PATJ: variants seen among roughly 807,000 people sequenced by gnomAD.
PATJ encodes the protein inaD-like protein.
PATJ carries 190 observed loss-of-function variants against 224.9 expected under a neutral mutation model. The observed-to-expected ratio is 0.84, with a 90% CI of 0.75 to 0.95. The LOEUF is 0.95. Ranked by LOEUF, PATJ falls within the 40% of genes least tolerant of loss-of-function variation. PATJ has a pLI of 0.00. For synonymous variants in PATJ, 769 were observed against 820.3 expected, an observed-to-expected ratio of 0.94 and a Z score of 1.07; for missense variants, 2,121 against 2,270.3, an observed-to-expected ratio of 0.93 and a Z score of 1.34.
At chr1:62,010,175 G>A (rs564385967) in intron 28 of PATJ, among the ~76,000 whole-genome samples, 1 of 151,618 alleles carries the variant, frequency 6.6e-6, no homozygotes, top group Admixed American at 6.6e-5. Flanking sequence ...TCGTGAGATT[G>A]TAGCAATCCA....
At position 61,856,124 on chromosome 1, in the gene PATJ, G is replaced by A. The variant is rs375548878; in HGVS notation, c.2207G>A (p.Arg736His). ...AGTGGGGGACTATTACCTGGAGACC[G>A]CCTGGTCTCAGTCAATGAATACTGT... ...ERSGGLLPGD[R>H]LVSVNEYCLD... Residue 736 changes from arginine to histidine, a missense_variant, in exon 18 of 44, where the codon CGC becomes CAC. Coordinates refer to ENST00000642238, the MANE Select transcript of PATJ (RefSeq NM_001350145.3). 4.0e-5 allele frequency: 65 copies of A among 1,612,424 alleles called. No homozygotes were observed. The East Asian group carries it at 6.0e-4, about 15-fold the overall frequency.
At chr1:61,838,121 T>C (rs1171670049) in intron 17 of PATJ, among the ~76,000 whole-genome samples, 2 of 152,158 alleles carry the variant, frequency 1.3e-5, no homozygotes, top group African/African-American at 4.8e-5. Flanking sequence ...TTATTAGCTC[T>C]TAGGGTACAG....
At chr1:61,850,070 C>T (rs1047880908) in intron 17 of PATJ, among the ~76,000 whole-genome samples, 10 of 152,124 alleles carry the variant, frequency 6.6e-5, no homozygotes, top group Non-Finnish European at 8.8e-5. Flanking sequence ...CGTGTCTTTT[C>T]ACTGAGTTTG....
chr1:62,044,517 C>T (rs1484778272), intron 30 of PATJ, among the ~76,000 whole-genome samples: 16 of 152,216 alleles, frequency 1.1e-4, no homozygotes, highest in Admixed American at 1.0e-3. Context: ...GTAAGAGGTA[C>T]TGAGGGCTCA....
intron 24 of PATJ, among the ~76,000 whole-genome samples, chr1:61,905,673 A>T (rs932462009): frequency 1.3e-5 from 2 of 151,988 alleles, no homozygotes; most frequent in Admixed American, 1.3e-4. Flanking sequence ...GAGTTGTCAA[A>T]CTCTTTCCAG....
intron 39 of PATJ, among the ~76,000 whole-genome samples, chr1:62,125,254 C>CAAAAAAAAAAAAAAAAAAAA (rs779305398): frequency 1.4e-5 from 1 of 71,420 alleles, no homozygotes; most frequent in Non-Finnish European, 2.6e-5. Context: ...AAAAAAAAAA[C>CAAAAAAAAAAAAAAAAAAAA]AAAAAAAAAC....
At chr1:61,870,042 C>T (rs887298982) in intron 20 of PATJ, among the ~76,000 whole-genome samples, 2 of 152,242 alleles carry the variant, frequency 1.3e-5, no homozygotes, top group African/African-American at 4.8e-5. Context: ...TGCCTTTTCA[C>T]GTGAGGCCGC....
At chr1:62,116,826 C>T in intron 36 of PATJ, 147 bp downstream of exon 36, 1 of 806,454 alleles carries the variant, frequency 1.2e-6, no homozygotes, top group Non-Finnish European at 1.9e-6. Context: ...TTTAAATGAG[C>T]CAGAATAGCT....
At chr1:61,874,172 T>TTTTATTTA (rs61201804) in intron 20 of PATJ, among the ~76,000 whole-genome samples, 5,045 of 139,702 alleles carry the variant, frequency 0.036, 156 homozygotes, top group East Asian at 0.12. Flanking sequence ...CTTGGGCCTA[T>TTTTATTTA]TTTATTTATT....
intron 28 of PATJ, among the ~76,000 whole-genome samples, chr1:62,009,162 ATATCT>A (rs1646278185): frequency 6.6e-6 from 1 of 152,174 alleles, no homozygotes; most frequent in South Asian, 2.1e-4. Flanking sequence ...CCAAAATGAA[ATATCT>A]TAATTGTTTT....
At position 62,133,395 on chromosome 1, in the gene PATJ, A is replaced by T. The variant is rs529805672; in HGVS notation, c.5271+4450A>T. On this transcript the variant is annotated intron_variant, in intron 41 of 43. Transcript: ENST00000642238. ...TCAGGAGTTTGAGACCAGCCTGGCCAACATGGTGAAATCCCATCTCTACTG... is the reference window on the plus strand; with the variant it reads ...TCAGGAGTTTGAGACCAGCCTGGCCTACATGGTGAAATCCCATCTCTACTG... 2.0e-5 allele frequency among the ~76,000 whole-genome samples: 3 copies of T among 152,282 alleles called. No individual in the cohort carries two copies. The South Asian group carries it at 6.2e-4, about 32-fold the overall frequency.
chr1:62,135,872 A>AAAT (rs1666804358), intron 41 of PATJ, among the ~76,000 whole-genome samples: 3 of 152,198 alleles, frequency 2.0e-5, no homozygotes, highest in Admixed American at 1.3e-4. Flanking sequence ...GAGGATACTA[A>AAAT]AATTCCTTTA....
At chr1:62,120,123 A>C (rs1664879875) in intron 37 of PATJ, among the ~76,000 whole-genome samples, 1 of 150,918 alleles carries the variant, frequency 6.6e-6, no homozygotes, top group Non-Finnish European at 1.5e-5. Context: ...GTATATAGCC[A>C]CTATGAAGTA....
At chr1:61,762,276 T>C (rs1466797404) in intron 1 of PATJ, among the ~76,000 whole-genome samples, 2 of 152,238 alleles carry the variant, frequency 1.3e-5, no homozygotes, top group Admixed American at 1.3e-4. Flanking sequence ...TCATACAGTA[T>C]GGTTTGTGCC....
chr1:61,821,797 C>T (rs1217620562), intron 14 of PATJ, among the ~76,000 whole-genome samples: 1 of 152,066 alleles, frequency 6.6e-6, no homozygotes, highest in African/African-American at 2.4e-5. Flanking sequence ...TACCATTTAC[C>T]GTATTTGAGA....
chr1:62,003,299 G>C (rs1281950754), intron 28 of PATJ, among the ~76,000 whole-genome samples: 1 of 152,158 alleles, frequency 6.6e-6, no homozygotes, highest in African/African-American at 2.4e-5. Flanking sequence ...CTCGAAGTCA[G>C]TATTTTTCAA....
At chr1:61,825,767 C>A (rs908822418) in intron 15 of PATJ, among the ~76,000 whole-genome samples, 45 of 152,088 alleles carry the variant, frequency 3.0e-4, no homozygotes, top group Non-Finnish European at 4.7e-4. Flanking sequence ...TATTTAAAGG[C>A]ACTCCAAGAT....
At chr1:61,791,273 A>G in intron 8 of PATJ, 75 bp from the exon 9 acceptor site, 1 of 857,578 alleles carries the variant, frequency 1.2e-6, no homozygotes. Flanking sequence ...TACTTGACAA[A>G]CCTTGCACAG....
intron 14 of PATJ, among the ~76,000 whole-genome samples, chr1:61,822,194 A>G (rs1182179979): frequency 6.6e-6 from 1 of 152,118 alleles, no homozygotes; most frequent in African/African-American, 2.4e-5. Context: ...CATTCAGGTA[A>G]GGAGTGGAAG....
Sources: allele counts gnomAD v4.1 joint callset (sites outside exome capture counted in the v4.1 genomes callset), GRCh38; gene constraint gnomAD v4.1.1; transcripts MANE v1.5; gene names NCBI Gene and HGNC (gene_info 2026-07-23, HGNC 2026-07-21).